The following LRP2 variants were observed in gnomAD, a reference collection of about 807,000 sequenced individuals.
The protein encoded by LRP2 is LDL receptor related protein 2, also known as low-density lipoprotein receptor-related protein 2.
A neutral mutation model predicts 531.0 loss-of-function variants in LRP2; 172 were observed. That is an observed-to-expected ratio of 0.32 (90% CI 0.29 to 0.37). The LOEUF is 0.37. Ranked by LOEUF, LRP2 falls within the 10% of genes least tolerant of loss-of-function variation. The pLI is 1.00. For missense variants in LRP2, 5,167 were observed against 5,868.3 expected (o/e 0.88, Z 3.90); for synonymous variants, 1,992 against 2,027.6 (o/e 0.98, Z 0.47).
intron 52 of LRP2, 54 bp from the exon 53 acceptor site, chr2:169,178,080 T>C: frequency 1.6e-6 from 2 of 1,258,282 alleles, no homozygotes; most frequent in South Asian, 1.2e-5. Context: ...TCTCCTCTAA[T>C]GTCTTGCAGG....
chr2:169,272,834 G>T, intron 15 of LRP2, 93 bp downstream of exon 15: 1 of 1,531,402 alleles, frequency 6.5e-7, no homozygotes, highest in South Asian at 1.1e-5. Context: ...CAGGGAGCTG[G>T]TCCAGTTCAA....
chr2:169,179,359 C>T (rs1367740495), intron 52 of LRP2, among the ~76,000 whole-genome samples: 1 of 152,162 alleles, frequency 6.6e-6, no homozygotes, highest in East Asian at 1.9e-4. Context: ...CTGAGACCTT[C>T]CCTTCCAGTT....
intron 1 of LRP2, among the ~76,000 whole-genome samples, chr2:169,341,117 T>G (rs1300990463): frequency 6.6e-6 from 1 of 151,998 alleles, no homozygotes; most frequent in Admixed American, 6.6e-5. Context: ...AAAGGTCCTG[T>G]AGAGAAAGGT....
In LRP2 at chr2:169,362,533, C is replaced by A; in HGVS notation, c.-134G>T. 1.3e-6 allele frequency: 1 copy of A among 782,574 alleles called. No homozygotes were observed. Among genetic ancestry groups the A allele is most frequent in the Non-Finnish European group, 2.1e-6 (1 of 468,300 alleles). The allele number at this position is 782,574 out of a possible 1,614,324, so 48.5% of individuals were successfully genotyped here. On this transcript the variant is annotated 5_prime_UTR_variant, in exon 1 of 79. In the 5' UTR this introduces an upstream ATG that the reference lacks. Coordinates refer to ENST00000649046, the MANE Select transcript of LRP2 (RefSeq NM_004525.3). ...CCGCCAGCTCCTAGTGGCCAAAAGC[C>A]TGCCCCCACGCCCGAGGCATCCCGT...
intron 9 of LRP2, among the ~76,000 whole-genome samples, chr2:169,285,292 A>G (rs1360966422): frequency 5.9e-5 from 4 of 67,696 alleles, no homozygotes; most frequent in Non-Finnish European, 1.7e-4. Flanking sequence ...AGACCCTATC[A>G]CAAAAAAACA....
chr2:169,160,690 A>AAAAAAAAAAAACC (rs1553487434), intron 63 of LRP2, among the ~76,000 whole-genome samples: 1 of 147,110 alleles, frequency 6.8e-6, no homozygotes, highest in African/African-American at 2.5e-5. Flanking sequence ...CTTAAAAAAA[A>AAAAAAAAAAAACC]AAAAACCTGC....
chr2:169,321,599 A>G (rs751799864), intron 1 of LRP2, among the ~76,000 whole-genome samples: 14 of 152,120 alleles, frequency 9.2e-5, no homozygotes, highest in Admixed American at 2.0e-4. Context: ...ATTTTTTATT[A>G]CTAAATCATA....
intron 16 of LRP2, among the ~76,000 whole-genome samples, chr2:169,263,689 G>C (rs550778505): frequency 1.2e-3 from 177 of 151,982 alleles, no homozygotes; most frequent in African/African-American, 3.9e-3. Flanking sequence ...TCAGTGTGGC[G>C]ATTCCTCAGG....
chr2:169,168,780 T>G, intron 60 of LRP2, 104 bp from the exon 61 acceptor site: 3 of 1,252,806 alleles, frequency 2.4e-6, no homozygotes, highest in Non-Finnish European at 3.5e-6. Flanking sequence ...TAGCCTGCTC[T>G]TCTTTATTCA....
intron 16 of LRP2, among the ~76,000 whole-genome samples, chr2:169,263,442 A>C (rs1690655938): frequency 1.3e-5 from 2 of 151,652 alleles, no homozygotes; most frequent in South Asian, 2.1e-4. Context: ...AAAGGATATG[A>C]ACAGACACTT....
At chr2:169,135,325 A>G (rs945776564) in intron 76 of LRP2, among the ~76,000 whole-genome samples, 1 of 152,130 alleles carries the variant, frequency 6.6e-6, no homozygotes, top group Non-Finnish European at 1.5e-5. Context: ...CTTTACTCAC[A>G]TGCCCCAAGT....
At chr2:169,204,395 G>T in intron 41 of LRP2, 124 bp from the exon 42 acceptor site, 1 of 865,300 alleles carries the variant, frequency 1.2e-6, no homozygotes. Context: ...TTCAAATGGG[G>T]CATATGGCAG....
At chr2:169,320,682 T>C (rs1195348309) in intron 2 of LRP2, 95 bp downstream of exon 2, 1 of 1,044,100 alleles carries the variant, frequency 9.6e-7, no homozygotes, top group Non-Finnish European at 1.5e-6. Flanking sequence ...GCTCTGTCAC[T>C]AAAAGGCATA....
intron 3 of LRP2, 82 bp downstream of exon 3, chr2:169,318,680 C>A: frequency 6.3e-7 from 1 of 1,584,896 alleles, no homozygotes; most frequent in Non-Finnish European, 8.7e-7. Flanking sequence ...AAAGAATCAT[C>A]CCATTGTGTG....
chr2:169,299,732 T>G (rs544601109), intron 4 of LRP2, among the ~76,000 whole-genome samples: 1 of 152,028 alleles, frequency 6.6e-6, no homozygotes, highest in Non-Finnish European at 1.5e-5. Flanking sequence ...GACAACACCA[T>G]GGTTTCATAC....
chr2:169,193,428 CAAA>C (rs1166288828), intron 47 of LRP2, among the ~76,000 whole-genome samples: 1 of 62,280 alleles, frequency 1.6e-5, no homozygotes, highest in Admixed American at 1.7e-4. Flanking sequence ...AAGACCTTGT[CAAA>C]AAAAAAAAAA....
chr2:169,276,244 A>T (rs1683549554), intron 13 of LRP2, among the ~76,000 whole-genome samples: 1 of 152,110 alleles, frequency 6.6e-6, no homozygotes, highest in Non-Finnish European at 1.5e-5. Context: ...AAAACCCTGA[A>T]TGCCACCTGC....
intron 55 of LRP2, 152 bp from the exon 56 acceptor site, chr2:169,174,316 C>A (rs1473330186): frequency 3.5e-6 from 3 of 868,528 alleles, no homozygotes; most frequent in Non-Finnish European, 5.4e-6. Flanking sequence ...CTACATGGAG[C>A]ACTTCTTCTT....
At chr2:169,330,733 G>A (rs1574265261) in intron 1 of LRP2, among the ~76,000 whole-genome samples, 1 of 151,920 alleles carries the variant, frequency 6.6e-6, no homozygotes, top group Admixed American at 6.6e-5. Flanking sequence ...ACACTCCCAG[G>A]CACATCTATG....
Sources: allele counts gnomAD v4.1 joint callset (sites outside exome capture counted in the v4.1 genomes callset), GRCh38; gene constraint gnomAD v4.1.1; transcripts MANE v1.5; gene names NCBI Gene and HGNC (gene_info 2026-07-23, HGNC 2026-07-21).